Variants in USP25 observed in about 807,000 individuals in gnomAD.
USP25 encodes the protein ubiquitin carboxyl-terminal hydrolase 25.
USP25 carries 85 observed loss-of-function variants against 158.5 expected under a neutral mutation model. The observed-to-expected ratio is 0.54, with a 90% CI of 0.45 to 0.64. USP25 has a LOEUF of 0.64. USP25 is among the 30% of genes least tolerant of loss of function. The pLI, the probability that USP25 is intolerant of heterozygous loss-of-function variation, is 0.00. For missense variants in USP25, 1,242 were observed against 1,327.3 expected (o/e 0.94, Z 1.00); for synonymous variants, 464 against 460.4 (o/e 1.01, Z -0.10).
At chr21:15,730,540 G>A (rs74858409) in intron 1 of USP25, 102 bp downstream of exon 1, 32 of 1,226,850 alleles carry the variant, frequency 2.6e-5, no homozygotes, top group Non-Finnish European at 2.8e-5. Context: ...CCGCCTTCCC[G>A]GGCTTCCTCC....
chr21:15,856,854 C>T (rs2039174508), intron 20 of USP25, among the ~76,000 whole-genome samples: 1 of 152,056 alleles, frequency 6.6e-6, no homozygotes, highest in Admixed American at 6.6e-5. Context: ...GTAGATTTAT[C>T]TCAGTATTTT....
chr21:15,825,276 T>C (rs1201022717), intron 12 of USP25, among the ~76,000 whole-genome samples: 1 of 152,222 alleles, frequency 6.6e-6, no homozygotes, highest in Non-Finnish European at 1.5e-5. Flanking sequence ...TGTCAACAGG[T>C]AATGTTCCTA....
In USP25 at chr21:15,847,769, A is replaced by G. The variant is rs566757618; in HGVS notation, c.2444A>G (p.Asp815Gly). The change falls in exon 19 of 26, where the codon GAT becomes GGT. Residue 815 changes from aspartate to glycine, a missense_variant. Around this residue, in one of 3 missense-constraint regions of USP25, gnomAD observed 608 missense variants for 605.2 expected, o/e 1.00. Transcript: ENST00000400183. Reference protein sequence around the residue: ...FMIESKEGGYDDEIMMTPNMQ... With the variant: ...FMIESKEGGYGDEIMMTPNMQ... ...ATTGAATCAAAGGAGGGGGGGTATG[A>G]TGACGAGGTACCTTTTACAGCCCTC... is the stretch of plus-strand genomic sequence containing the variant. 1.9e-6 allele frequency: 3 copies of G among 1,547,106 alleles called. No individual in the cohort carries two copies. Among genetic ancestry groups the G allele is most frequent in the African/African-American group, 2.7e-5 (2 of 73,034 alleles).
chr21:15,764,118 A>G (rs2033896476), intron 2 of USP25, among the ~76,000 whole-genome samples: 1 of 152,130 alleles, frequency 6.6e-6, no homozygotes, highest in South Asian at 2.1e-4. Flanking sequence ...AGCCACTGTA[A>G]GTATTTGGAG....
chr21:15,797,986 AC>A (rs1411008353), intron 5 of USP25, among the ~76,000 whole-genome samples: 4 of 151,100 alleles, frequency 2.6e-5, no homozygotes, highest in Non-Finnish European at 1.5e-5. Context: ...AGGAAAAAAA[AC>A]ATAATATATA....
chr21:15,863,323 A>G (rs2039512818), intron 20 of USP25, among the ~76,000 whole-genome samples: 1 of 152,158 alleles, frequency 6.6e-6, no homozygotes, highest in African/African-American at 2.4e-5. Context: ...AGGTAATAAT[A>G]GTGATAATAT....
chr21:15,789,551 GTTTATAT>G (rs985720359), intron 4 of USP25, among the ~76,000 whole-genome samples: 14 of 151,942 alleles, frequency 9.2e-5, no homozygotes, highest in Non-Finnish European at 1.8e-4. Flanking sequence ...CTTTTGAGCA[GTTTATAT>G]TTTAGAATAT....
chr21:15,831,597 A>T lies in USP25; in HGVS notation c.1961A>T (p.Tyr654Phe). Residue 654 changes from tyrosine (Y) to phenylalanine (F), a missense_variant, in exon 16 of 26, where the codon TAC becomes TTC. By Grantham distance (22) the Tyr-to-Phe change is conservative. Around this residue, in one of 3 missense-constraint regions of USP25, gnomAD observed 608 missense variants for 605.2 expected, o/e 1.00. Transcript: ENST00000400183. ...AATGCCAGTGCATACTGTTTAATGT[A>T]CATAAATGATAAGGCACAGTTCCTA... ...YRNASAYCLMYINDKAQFLIQ... is the reference protein window; with the variant it reads ...YRNASAYCLMFINDKAQFLIQ... The T allele has an allele frequency of 6.2e-7, 1 of 1,613,940 alleles. No individual in the cohort carries two copies. The highest frequency in any genetic ancestry group is 8.5e-7 in the Non-Finnish European group (1 of 1,179,880).
At chr21:15,777,523 TATGTAA>T (rs2034727001) in intron 3 of USP25, among the ~76,000 whole-genome samples, 1 of 152,196 alleles carries the variant, frequency 6.6e-6, no homozygotes, top group Non-Finnish European at 1.5e-5. Context: ...ATTTAATACG[TATGTAA>T]TCGGGTTAAC....
chr21:15,764,755 A>T (rs141328331), intron 2 of USP25, among the ~76,000 whole-genome samples: 1 of 152,242 alleles, frequency 6.6e-6, no homozygotes, highest in African/African-American at 2.4e-5. Flanking sequence ...ACAATAGTGT[A>T]TCTTACATTT....
chr21:15,874,327 T>G (rs1490599047), intron 23 of USP25, 76 bp from the exon 24 acceptor site: 8 of 1,304,454 alleles, frequency 6.1e-6, no homozygotes, highest in Non-Finnish European at 8.5e-6. Context: ...ATACTTAAAA[T>G]GTTTCATAAT....
intron 5 of USP25, among the ~76,000 whole-genome samples, chr21:15,794,239 T>TA (rs1484675515): frequency 6.6e-6 from 1 of 151,620 alleles, no homozygotes; most frequent in Non-Finnish European, 1.5e-5. Flanking sequence ...TTTGCATACT[T>TA]ATTATTTTAG....
intron 22 of USP25, among the ~76,000 whole-genome samples, chr21:15,867,073 G>A: frequency 6.6e-6 from 1 of 152,030 alleles, no homozygotes; most frequent in East Asian, 1.9e-4. Flanking sequence ...CACTTACATA[G>A]GTACTTGTAC....
chr21:15,871,158 AATT>A (rs2146590996), intron 23 of USP25, among the ~76,000 whole-genome samples: 1 of 152,280 alleles, frequency 6.6e-6, no homozygotes, highest in Admixed American at 6.5e-5. Context: ...CAAAAGGAAA[AATT>A]AATGTTTTAC....
At chr21:15,768,043 A>G (rs2034143150) in intron 3 of USP25, among the ~76,000 whole-genome samples, 1 of 152,094 alleles carries the variant, frequency 6.6e-6, no homozygotes, top group Admixed American at 6.6e-5. Context: ...TTTGCTGATA[A>G]TTAAAACTTT....
In USP25 at chr21:15,795,030, A is replaced by G. The variant is rs2035791589; in HGVS notation, c.555+3366A>G. 2.0e-5 allele frequency among the ~76,000 whole-genome samples: 3 copies of G among 151,746 alleles called. No homozygotes were observed. The South Asian group carries it at 6.2e-4, about 31-fold the overall frequency. The stretch of plus-strand genomic sequence containing the variant: ...CTCTTTAATTTTCATCAAAGAAAAA[A>G]TCATGTGGCACTAAAATGCTTAAAC... On this transcript the variant is annotated intron_variant, in intron 5 of 25. Coordinates refer to ENST00000400183, the MANE Select transcript of USP25 (RefSeq NM_001283041.3).
chr21:15,824,232 A>G, intron 11 of USP25, 66 bp downstream of exon 11: 1 of 1,562,008 alleles, frequency 6.4e-7, no homozygotes, highest in Non-Finnish European at 8.6e-7. Context: ...TATTGTTTAG[A>G]GGAAAATTCT....
intron 23 of USP25, among the ~76,000 whole-genome samples, chr21:15,871,434 G>A (rs1282811058): frequency 6.6e-6 from 1 of 152,084 alleles, no homozygotes; most frequent in African/African-American, 2.4e-5. Flanking sequence ...GCATTTCAGT[G>A]TTACAGATAA....
intron 4 of USP25, among the ~76,000 whole-genome samples, chr21:15,782,673 C>G (rs780648668): frequency 2.6e-5 from 4 of 152,108 alleles, no homozygotes; most frequent in Admixed American, 6.5e-5. Flanking sequence ...GTTTGGACAC[C>G]ACAATACTGA....
Sources: allele counts gnomAD v4.1 joint callset (sites outside exome capture counted in the v4.1 genomes callset), GRCh38; gene constraint gnomAD v4.1.1; regional missense constraint gnomAD v4.1.1; transcripts MANE v1.5; gene names NCBI Gene and HGNC (gene_info 2026-07-23, HGNC 2026-07-21).